The following CLTCL1 variants were observed in gnomAD, a reference collection of about 807,000 sequenced individuals.
The protein encoded by CLTCL1 is clathrin heavy chain like 1, also known as clathrin heavy chain 2.
CLTCL1 carries 159 observed loss-of-function variants against 190.0 expected under a neutral mutation model. The ratio of observed to expected loss-of-function variants is 0.84; its 90% confidence interval spans 0.74 to 0.95. The LOEUF (loss-of-function observed/expected upper bound fraction) is 0.95, where lower values mean the gene tolerates loss of function less well. Among genes scored for constraint, CLTCL1 ranks in the 40% least tolerant of loss-of-function variants. CLTCL1 has a pLI of 0.00. For synonymous variants in CLTCL1, 752 were observed against 769.6 expected (o/e 0.98, Z 0.38); for missense variants, 1,878 against 2,033.4 (o/e 0.92, Z 1.47).
chr22:19,185,324 T>C (rs2084277387), intron 29 of CLTCL1, among the ~76,000 whole-genome samples: 1 of 121,404 alleles, frequency 8.2e-6, no homozygotes, highest in Non-Finnish European at 1.9e-5. Context: ...CTCGGCCACT[T>C]TCTTTTTTTT....
chr22:19,183,276 G>A, intron 30 of CLTCL1, 114 bp downstream of exon 30: 1 of 846,376 alleles, frequency 1.2e-6, no homozygotes, highest in Non-Finnish European at 1.9e-6. Context: ...GGCTGGCTGG[G>A]GAATCTGGGT....
chr22:19,274,865 T>C (rs1468703551), intron 2 of CLTCL1, among the ~76,000 whole-genome samples: 1 of 151,998 alleles, frequency 6.6e-6, no homozygotes, highest in Non-Finnish European at 1.5e-5. Flanking sequence ...GAGCTGGGAT[T>C]ACAGGCATGC....
intron 3 of CLTCL1, among the ~76,000 whole-genome samples, chr22:19,246,264 G>C (rs1286679354): frequency 1.3e-5 from 2 of 151,928 alleles, no homozygotes; most frequent in Non-Finnish European, 2.9e-5. Context: ...GTTTCACCGT[G>C]TTAGCCAGGA....
intron 22 of CLTCL1, among the ~76,000 whole-genome samples, chr22:19,206,572 T>C (rs1217289595): frequency 1.3e-5 from 2 of 151,944 alleles, no homozygotes; most frequent in Non-Finnish European, 2.9e-5. Flanking sequence ...TATTTTGAAA[T>C]AAAAAGCTCA....
At chr22:19,278,923 G>C (rs1294731970) in intron 1 of CLTCL1, among the ~76,000 whole-genome samples, 1 of 151,996 alleles carries the variant, frequency 6.6e-6, no homozygotes, top group Non-Finnish European at 1.5e-5. Flanking sequence ...TGTATTTTTA[G>C]TAGAGACGGG....
In CLTCL1 at chr22:19,233,561, T is replaced by C. The variant is rs1160411094; in HGVS notation, c.1229A>G (p.Gln410Arg). The stretch of plus-strand genomic sequence containing the variant: ...GAAGTACTGCAGCAATGGAGAAGCC[T>C]GGCCAGACTGAGCGGGTATACTCTG... ...KFQSIPAQSG[Q>R]ASPLLQYFGI... is the part of the protein sequence containing the mutation. Residue 410 changes from glutamine (Q) to arginine (R), a missense_variant, in exon 8 of 33, where the codon CAG becomes CGG. Transcript: ENST00000427926. The C allele has an allele frequency of 3.4e-5, 55 of 1,613,892 alleles. No homozygotes were observed. The highest frequency in any genetic ancestry group is 3.9e-5 in the Non-Finnish European group (46 of 1,179,908).
intron 3 of CLTCL1, among the ~76,000 whole-genome samples, chr22:19,244,179 CA>C (rs1374116178): frequency 6.6e-5 from 10 of 152,292 alleles, no homozygotes; most frequent in Admixed American, 2.0e-4. Context: ...ATTCCTCACT[CA>C]CTCACAACTC....
intron 22 of CLTCL1, 60 bp downstream of exon 22, chr22:19,208,094 G>A: frequency 6.2e-7 from 1 of 1,603,590 alleles, no homozygotes; most frequent in Non-Finnish European, 8.5e-7. Flanking sequence ...GCTGCTCTGA[G>A]GAACATCCCT....
At position 19,217,907 on chromosome 22, in the gene CLTCL1, C is replaced by T. The variant is rs371007908; in HGVS notation, c.2920-1651G>A. Among the ~76,000 whole-genome samples, 10 of 150,418 alleles carry T rather than the reference C, an allele frequency of 6.6e-5. No homozygotes were observed. In the East Asian group the frequency reaches 1.2e-3, roughly 18 times the overall value. ...CCTTGGAGCAACTTAAATAAATACA[C>T]ACAGGTTGTTTTAAGGGCAAAAATA... On this transcript the variant is annotated intron_variant, in intron 18 of 32. Coordinates refer to ENST00000427926, the MANE Select transcript of CLTCL1 (RefSeq NM_007098.4).
intron 4 of CLTCL1, 34 bp downstream of exon 4, chr22:19,242,739 CTT>C (rs880003467): frequency 4.3e-6 from 7 of 1,612,974 alleles, no homozygotes; most frequent in Non-Finnish European, 5.9e-6. Context: ...GCTCATGACA[CTT>C]TTCTCAGGGA....
At chr22:19,205,693 A>G (rs1003049205) in intron 22 of CLTCL1, among the ~76,000 whole-genome samples, 2 of 152,210 alleles carry the variant, frequency 1.3e-5, no homozygotes, top group East Asian at 1.9e-4. Flanking sequence ...CTCTATAGCT[A>G]TATTTCAAAT....
rs2084356607 is a variant in CLTCL1, at chr22:19,187,641, T to A, written c.4522A>T (p.Arg1508Trp). 3 of 1,613,796 alleles carry A rather than the reference T, an allele frequency of 1.9e-6. No homozygotes were observed. Among genetic ancestry groups the A allele is most frequent in the Non-Finnish European group, 2.5e-6 (3 of 1,179,898 alleles). Residue 1508 changes from arginine (R) to tryptophan (W), a missense_variant, in exon 29 of 33, where the codon AGG (arginine) becomes TGG (tryptophan). By Grantham distance (101) the Arg-to-Trp change is moderately radical (BLOSUM62 -3). Coordinates refer to ENST00000427926, the MANE Select transcript of CLTCL1 (RefSeq NM_007098.4). ...QLEKHQLMEFRCIAAYLYKGN... is the reference protein window; with the variant it reads ...QLEKHQLMEFWCIAAYLYKGN... ...TTGTACAGATAGGCCGCAATGCACC[T>A]GAACTCCATCAGCTGATGCTTCTCC...
intron 22 of CLTCL1, among the ~76,000 whole-genome samples, chr22:19,206,221 T>C (rs569283780): frequency 1.4e-3 from 218 of 151,538 alleles, no homozygotes; most frequent in Non-Finnish European, 2.7e-3. Context: ...ACCCCCTTGT[T>C]TTCTTTTTGT....
intron 2 of CLTCL1, chr22:19,258,904 G>C (rs1417086733): frequency 2.4e-6 from 1 of 421,954 alleles, no homozygotes; most frequent in Admixed American, 3.5e-5. Flanking sequence ...AATGTTTAGA[G>C]AAAACATAGG....
chr22:19,279,863 A>T (rs1469880623), intron 1 of CLTCL1, among the ~76,000 whole-genome samples: 1 of 152,204 alleles, frequency 6.6e-6, no homozygotes, highest in Non-Finnish European at 1.5e-5. Flanking sequence ...TATGAAACAA[A>T]AGACTCTTGG....
intron 2 of CLTCL1, among the ~76,000 whole-genome samples, chr22:19,267,688 G>A (rs2087163157): frequency 6.6e-6 from 1 of 152,150 alleles, no homozygotes; most frequent in African/African-American, 2.4e-5. Flanking sequence ...GAGGTCAGGA[G>A]TTCAAGACCA....
intron 3 of CLTCL1, among the ~76,000 whole-genome samples, chr22:19,244,692 T>C (rs1390218524): frequency 1.3e-5 from 2 of 152,182 alleles, no homozygotes; most frequent in African/African-American, 4.8e-5. Flanking sequence ...AGACCAGACC[T>C]TAGGCTACGT....
At chr22:19,249,970 T>C (rs2086540151) in intron 3 of CLTCL1, 1 of 389,834 alleles carries the variant, frequency 2.6e-6, no homozygotes, top group African/African-American at 2.1e-5. Context: ...TACAAATAAA[T>C]GGGCCGGGCG....
chr22:19,224,001 G>A lies in CLTCL1; in HGVS notation c.2182C>T (p.His728Tyr), dbSNP rs561822319. 3.1e-6 allele frequency: 5 copies of A among 1,613,958 alleles called. No homozygotes were observed. The highest frequency in any genetic ancestry group is 2.2e-5 in the South Asian group (2 of 91,072). The change falls in exon 14 of 33, where the codon CAT (histidine) becomes TAT (tyrosine). Residue 728 changes from histidine to tyrosine, a missense_variant. Transcript: ENST00000427926. The stretch of plus-strand genomic sequence containing the variant: ...CAGGCAGCCTGAATGTATTTCAGAT[G>A]CACATCTGGGTCTTGGCTGAAGTTC... ...IVNFSQDPDV[H>Y]LKYIQAACKT...
Sources: allele counts gnomAD v4.1 joint callset (sites outside exome capture counted in the v4.1 genomes callset), GRCh38; gene constraint gnomAD v4.1.1; transcripts MANE v1.5; gene names NCBI Gene and HGNC (gene_info 2026-07-23, HGNC 2026-07-21).